The following VWA8 variants were observed in gnomAD, a reference collection of about 807,000 sequenced individuals.
The protein encoded by VWA8 is von Willebrand factor A domain containing 8.
Under a neutral mutation model 241.5 loss-of-function variants are expected in VWA8, and 221 were observed. The observed-to-expected ratio is 0.91, with a 90% CI of 0.82 to 1.02. VWA8 has a LOEUF of 1.02. Among genes scored for constraint, VWA8 ranks in the 50% least tolerant of loss-of-function variants. VWA8 has a pLI of 0.00. For missense variants in VWA8, 2,322 were observed against 2,328.7 expected (o/e 1.00, Z 0.06); for synonymous variants, 852 against 827.1 (o/e 1.03, Z -0.52).
intron 34 of VWA8, among the ~76,000 whole-genome samples, chr13:41,688,173 G>T (rs577214915): frequency 6.6e-6 from 1 of 152,018 alleles, no homozygotes; most frequent in African/African-American, 2.4e-5. Flanking sequence ...TTGATAATTA[G>T]GAAAACATAC....
chr13:41,609,106 G>A (rs1222797487), intron 39 of VWA8, among the ~76,000 whole-genome samples: 1 of 152,156 alleles, frequency 6.6e-6, no homozygotes, highest in Non-Finnish European at 1.5e-5. Flanking sequence ...CAGGTTCTTG[G>A]TGTAGGTCCT....
At chr13:41,887,701 C>T (rs1450463157) in intron 5 of VWA8, among the ~76,000 whole-genome samples, 1 of 152,132 alleles carries the variant, frequency 6.6e-6, no homozygotes, top group Non-Finnish European at 1.5e-5. Flanking sequence ...AAAGGTAGTC[C>T]CCGACGGGCA....
chr13:41,587,483 C>G (rs1420212485), intron 42 of VWA8, 29 bp downstream of exon 42: 2 of 1,612,932 alleles, frequency 1.2e-6, no homozygotes, highest in African/African-American at 2.7e-5. Flanking sequence ...TCAATGATGC[C>G]TCTCATTATT....
intron 14 of VWA8, among the ~76,000 whole-genome samples, chr13:41,829,158 A>G (rs1289076975): frequency 2.0e-5 from 3 of 152,246 alleles, no homozygotes; most frequent in African/African-American, 7.2e-5. Flanking sequence ...ATGCTTATTT[A>G]AAAGTAAGGC....
At chr13:41,859,747 C>T (rs1872923118) in intron 12 of VWA8, among the ~76,000 whole-genome samples, 1 of 152,160 alleles carries the variant, frequency 6.6e-6, no homozygotes, top group South Asian at 2.1e-4. Context: ...ACTTACTTTA[C>T]GTACTGCCTC....
At chr13:41,652,982 A>G (rs2044878950) in intron 37 of VWA8, among the ~76,000 whole-genome samples, 1 of 152,238 alleles carries the variant, frequency 6.6e-6, no homozygotes, top group Admixed American at 6.5e-5. Context: ...TGGAAATAAT[A>G]ATTCCAGTCA....
chr13:41,896,992 G>A (rs536322127), intron 4 of VWA8, among the ~76,000 whole-genome samples: 44 of 152,156 alleles, frequency 2.9e-4, no homozygotes, highest in East Asian at 1.4e-3. Flanking sequence ...CCCAAAAACC[G>A]TAAATGCCAA....
In VWA8 at chr13:41,727,249, A is replaced by G. The variant is rs1457405957; in HGVS notation, c.2703T>C (p.Val901=). The part of the protein sequence containing the change: ...VVIHPDFRMI[V]LANRPGFPFL... ...AAGGAAATCCAGGTCTATTTGCCAG[A>G]ACAATCATCCTAAAATCAGGATGAA... is the stretch of plus-strand genomic sequence containing the variant. Residue 901 remains valine (V), a synonymous_variant, in exon 24 of 45, where the codon GTT becomes GTC. Coordinates refer to ENST00000379310, the MANE Select transcript of VWA8 (RefSeq NM_015058.2). 6.4e-7 allele frequency: 1 copy of G among 1,554,354 alleles called. No individual in the cohort carries two copies. Among genetic ancestry groups the G allele is most frequent in the Admixed American group, 1.9e-5 (1 of 51,776 alleles).
intron 21 of VWA8, among the ~76,000 whole-genome samples, chr13:41,732,668 C>G (rs2045494336): frequency 6.6e-6 from 1 of 152,100 alleles, no homozygotes. Flanking sequence ...GCCAAGAATA[C>G]TCAAGAATTA....
At chr13:41,709,338 C>G (rs1338503136) in intron 26 of VWA8, among the ~76,000 whole-genome samples, 1 of 152,192 alleles carries the variant, frequency 6.6e-6, no homozygotes, top group Non-Finnish European at 1.5e-5. Flanking sequence ...GCCACGGCCA[C>G]AATGTGGGCC....
chr13:41,727,440 G>T, intron 23 of VWA8, 127 bp from the exon 24 acceptor site: 1 of 859,766 alleles, frequency 1.2e-6, no homozygotes, highest in Non-Finnish European at 1.6e-6. Context: ...ATATTTGGCT[G>T]TGATAACTTG....
At chr13:41,939,161 G>A (rs905869989) in intron 2 of VWA8, among the ~76,000 whole-genome samples, 1 of 152,142 alleles carries the variant, frequency 6.6e-6, no homozygotes, top group African/African-American at 2.4e-5. Context: ...ACAAGATTAT[G>A]TAAGCAAGCA....
chr13:41,610,842 T>A (rs1005243898), intron 39 of VWA8, among the ~76,000 whole-genome samples: 3 of 152,208 alleles, frequency 2.0e-5, no homozygotes, highest in Non-Finnish European at 4.4e-5. Context: ...ATTCTTCTTA[T>A]TTTTTAAATG....
In VWA8 at chr13:41,707,647, T is replaced by C. The variant is rs56109351; in HGVS notation, c.3117-4236A>G. 4.8e-3 allele frequency among the ~76,000 whole-genome samples: 730 copies of C among 152,324 alleles called. 3 individuals carry two copies. Among genetic ancestry groups the C allele is most frequent in the Non-Finnish European group, 8.0e-3 (545 of 68,006 alleles). On this transcript the variant is annotated intron_variant, in intron 26 of 44. Coordinates refer to ENST00000379310, the MANE Select transcript of VWA8 (RefSeq NM_015058.2). Reference sequence around the variant, plus strand: ...CAACAAAGTTCACTGGAGCCTTTCATGGAATAGCCCTGACTAATAATTCTG... The same window carrying C: ...CAACAAAGTTCACTGGAGCCTTTCACGGAATAGCCCTGACTAATAATTCTG...
At chr13:41,878,317 T>C (rs1298079646) in intron 9 of VWA8, among the ~76,000 whole-genome samples, 1 of 152,046 alleles carries the variant, frequency 6.6e-6, no homozygotes, top group Non-Finnish European at 1.5e-5. Flanking sequence ...AATATTAGCT[T>C]AAAATAATGC....
intron 37 of VWA8, among the ~76,000 whole-genome samples, chr13:41,656,652 G>T (rs904316738): frequency 3.3e-5 from 5 of 152,086 alleles, no homozygotes; most frequent in Non-Finnish European, 7.3e-5. Flanking sequence ...AAAATTAATG[G>T]ATACTATATC....
chr13:41,840,829 C>A (rs1871965437), intron 12 of VWA8, among the ~76,000 whole-genome samples: 1 of 151,326 alleles, frequency 6.6e-6, no homozygotes, highest in South Asian at 2.1e-4. Context: ...CACCACAATT[C>A]TTGATAATAA....
At chr13:41,806,410 A>G (rs957709251) in intron 17 of VWA8, among the ~76,000 whole-genome samples, 13 of 152,186 alleles carry the variant, frequency 8.5e-5, no homozygotes, top group African/African-American at 3.1e-4. Context: ...TAAATTAAAC[A>G]TGCAAAGGAT....
At chr13:41,573,486 A>AAAAAAATAAATATATATATATAT in intron 43 of VWA8, among the ~76,000 whole-genome samples, 4 of 113,614 alleles carry the variant, frequency 3.5e-5, no homozygotes, top group Non-Finnish European at 7.0e-5. Flanking sequence ...AAAAAAAAAA[A>AAAAAAATAAATATATATATATAT]ATATATATAT....
Sources: allele counts gnomAD v4.1 joint callset (sites outside exome capture counted in the v4.1 genomes callset), GRCh38; gene constraint gnomAD v4.1.1; transcripts MANE v1.5; gene names NCBI Gene and HGNC (gene_info 2026-07-23, HGNC 2026-07-21).